Variants in SLC1A7 observed in about 807,000 individuals in gnomAD.
The protein encoded by SLC1A7 is excitatory amino acid transporter 5.
A neutral mutation model predicts 47.7 loss-of-function variants in SLC1A7; 40 were observed. The observed-to-expected ratio is 0.84, with a 90% confidence interval of 0.65 to 1.09. The LOEUF is 1.09. Ranked by LOEUF, SLC1A7 falls within the 50% of genes least tolerant of loss-of-function variation. The pLI is 0.00. For synonymous variants in SLC1A7, 323 were observed against 325.6 expected (o/e 0.99, Z 0.09); for missense variants, 746 against 769.5 (o/e 0.97, Z 0.36).
chr1:53,123,706 C>G (rs867711164), intron 2 of SLC1A7, among the ~76,000 whole-genome samples: 19 of 152,192 alleles, frequency 1.2e-4, no homozygotes, highest in Non-Finnish European at 2.5e-4. Flanking sequence ...TGGAAGGGAG[C>G]GAGAGCATGG....
At chr1:53,141,332 C>T (rs12738223) in intron 1 of SLC1A7, among the ~76,000 whole-genome samples, 88,155 of 151,540 alleles carry the variant, frequency 0.58, 26,173 homozygotes, top group Middle Eastern at 0.74. Context: ...TCCCTCTGCT[C>T]GCTGGCTATA....
intron 6 of SLC1A7, 51 bp downstream of exon 6, chr1:53,093,410 T>G (rs549857317): frequency 7.1e-7 from 1 of 1,399,328 alleles, no homozygotes; most frequent in Admixed American, 1.9e-5. Context: ...TTGTCTTCCC[T>G]CCATCCACCC....
At position 53,088,110 on chromosome 1, in the gene SLC1A7, G is replaced by A. The variant is rs1162556543; in HGVS notation, c.1582C>T (p.Pro528Ser). ...ASELTLGPTC[P>S]HHVPVQVEQD... ...TCCACTTGAACGGGGACGTGGTGGG[G>A]GCAGGTGGGGCCCAGGGTGAGCTCG... The change falls in exon 11 of 11, where the codon CCC (proline) becomes TCC (serine). Residue 528 changes from proline (P) to serine (S), a missense_variant. Pro to Ser is a moderately conservative substitution (Grantham distance 74). Coordinates refer to ENST00000371494, the MANE Select transcript of SLC1A7 (RefSeq NM_006671.6). 3.7e-6 allele frequency: 6 copies of A among 1,612,158 alleles called. No individual in the cohort carries two copies. The highest frequency in any genetic ancestry group is 3.3e-5 in the Admixed American group (2 of 59,880).
chr1:53,133,717 A>C (rs1337973118), intron 2 of SLC1A7, among the ~76,000 whole-genome samples: 1 of 152,032 alleles, frequency 6.6e-6, no homozygotes, highest in African/African-American at 2.4e-5. Context: ...CATGGCCCGC[A>C]CCCTACTGGG....
chr1:53,090,198 C>T (rs1174323761), intron 8 of SLC1A7: 1 of 580,790 alleles, frequency 1.7e-6, no homozygotes, highest in African/African-American at 1.9e-5. Context: ...TCTGTGGGTT[C>T]CAGGAAGCTA....
Position 53,103,572 on chromosome 1 carries a change from G to A in SLC1A7, c.475-4C>T. The A allele has an allele frequency of 6.4e-7, 1 of 1,557,842 alleles. No homozygotes were observed. The highest frequency in any genetic ancestry group is 8.7e-7 in the Non-Finnish European group (1 of 1,148,252). ...CTGGGGTGGTCTTGGTGCGGTACTG[G>A]TGGGTGACACCCCACCCAGAGAGAA... On this transcript the variant is annotated splice_region_variant and splice_polypyrimidine_tract_variant and intron_variant, in intron 4 of 10. Transcript: ENST00000371494.
In SLC1A7 at chr1:53,103,609, G is replaced by A. The variant is rs750058245; in HGVS notation, c.475-41C>T. ...CCACCCAGAGAGAAGTCAGGGCCAA[G>A]GGTTGTTACTAATATTAACGACAAC... On this transcript the variant is annotated intron_variant, in intron 4 of 10. Transcript: ENST00000371494. 3.2e-6 allele frequency: 4 copies of A among 1,244,886 alleles called. No individual in the cohort carries two copies. The Admixed American group carries it at 7.1e-5, about 22-fold the overall frequency. 77.1% of individuals were successfully genotyped at this position (1,244,886 alleles called of 1,614,324 possible). A position where few individuals can be genotyped will look rare whatever the true frequency, so the allele number is the denominator to read the frequency against.
rs372121851 is a variant in SLC1A7, at chr1:53,114,805, A to G, written c.384T>C (p.Ser128=). 29 of 1,614,058 alleles carry G rather than the reference A, an allele frequency of 1.8e-5. No individual in the cohort carries two copies. In the East Asian group the frequency reaches 2.7e-4, roughly 15 times the overall value. ...CGGCTGAGCTCATGATGGGCTTCCC[A>G]CTCTGCTCCGTGGTCTCCTTCTGGG... ...SAAQKETTEQ[S]GKPIMSSADA... Residue 128 remains serine, a synonymous_variant, in exon 3 of 11, where the codon AGT becomes AGC. Coordinates refer to ENST00000371494, the MANE Select transcript of SLC1A7 (RefSeq NM_006671.6).
At chr1:53,109,579 G>A (rs1434416587) in intron 3 of SLC1A7, among the ~76,000 whole-genome samples, 2 of 152,138 alleles carry the variant, frequency 1.3e-5, no homozygotes, top group Admixed American at 6.5e-5. Context: ...ATGTCCCCAC[G>A]CAGTGGGCTC....
At chr1:53,125,784 C>T (rs1305091346) in intron 2 of SLC1A7, among the ~76,000 whole-genome samples, 1 of 152,176 alleles carries the variant, frequency 6.6e-6, no homozygotes, top group African/African-American at 2.4e-5. Flanking sequence ...TTCCACAGGG[C>T]CACCCCGTGG....
At chr1:53,130,977 G>A (rs937040270) in intron 2 of SLC1A7, among the ~76,000 whole-genome samples, 5 of 152,120 alleles carry the variant, frequency 3.3e-5, no homozygotes, top group East Asian at 1.9e-4. Flanking sequence ...TCAGAAATGC[G>A]TCATATCTCC....
intron 1 of SLC1A7, 136 bp downstream of exon 1, chr1:53,142,179 C>A (rs1197704747): frequency 6.0e-6 from 6 of 1,005,172 alleles, no homozygotes; most frequent in Non-Finnish European, 8.5e-6. Flanking sequence ...GATGAGAAAA[C>A]CAGGACCCAG....
intron 3 of SLC1A7, among the ~76,000 whole-genome samples, chr1:53,109,041 G>A (rs567882164): frequency 1.5e-4 from 23 of 152,040 alleles, no homozygotes; most frequent in South Asian, 6.2e-4. Flanking sequence ...AACACAGAAC[G>A]TGCCTGGGGA....
At chr1:53,127,302 A>G (rs1482170371) in intron 2 of SLC1A7, among the ~76,000 whole-genome samples, 4 of 152,146 alleles carry the variant, frequency 2.6e-5, no homozygotes, top group Non-Finnish European at 5.9e-5. Context: ...GGGGAGAGTT[A>G]TATTCTTCAG....
chr1:53,137,816 C>T (rs1557694315), intron 1 of SLC1A7, among the ~76,000 whole-genome samples: 1 of 152,236 alleles, frequency 6.6e-6, no homozygotes, highest in Non-Finnish European at 1.5e-5. Context: ...AGCTTTCCAC[C>T]TTCCTGCTCC....
chr1:53,114,140 C>G (rs1288376), intron 3 of SLC1A7, among the ~76,000 whole-genome samples: 147,353 of 152,238 alleles, frequency 0.97, 71,497 homozygotes, highest in Middle Eastern at 1. Flanking sequence ...GCACGAAGGA[C>G]AGGAGCAGGG....
At chr1:53,121,351 G>A (rs529197017) in intron 2 of SLC1A7, among the ~76,000 whole-genome samples, 81 of 152,334 alleles carry the variant, frequency 5.3e-4, no homozygotes, top group Admixed American at 1.3e-3. Flanking sequence ...CTTGGTCCCC[G>A]GATGGGCTTA....
At chr1:53,088,438 G>T (rs1025579178) in intron 10 of SLC1A7, among the ~76,000 whole-genome samples, 1 of 152,120 alleles carries the variant, frequency 6.6e-6, no homozygotes, top group Non-Finnish European at 1.5e-5. Flanking sequence ...GCTTAGTAGA[G>T]GAGGGGACTT....
At position 53,089,853 on chromosome 1, in the gene SLC1A7, G is replaced by A. The variant is rs143461330; in HGVS notation, c.1308C>T (p.Ser436=). The change falls in exon 9 of 11, where the codon TCC becomes TCT. Residue 436 remains serine (S), a synonymous_variant. Transcript: ENST00000371494. The part of the protein sequence containing the change: ...GLVTMVIVLT[S]VGLPTDDITL... ...TGATGTCATCGGTGGGCAGTCCCAC[G>A]GAGGTGAGCACGATGACCATGGTGA... is the stretch of plus-strand genomic sequence containing the variant. The A allele has an allele frequency of 9.9e-5, 160 of 1,613,958 alleles. No homozygotes were observed. In the African/African-American group the frequency reaches 1.7e-3, roughly 17 times the overall value.
Sources: gnomAD v4.1 joint callset for allele counts (sites outside exome capture counted in the v4.1 genomes callset) on GRCh38, gnomAD v4.1.1 for gene constraint, MANE v1.5 for transcripts, NCBI Gene and HGNC (gene_info 2026-07-23, HGNC 2026-07-21) for gene names.